PRKDC: variants seen among roughly 807,000 people sequenced by gnomAD.
The protein encoded by PRKDC is protein kinase, DNA-activated, catalytic subunit, also known as DNA-dependent protein kinase catalytic subunit.
A neutral mutation model predicts 486.9 loss-of-function variants in PRKDC; 82 were observed. That is an observed-to-expected ratio of 0.17 (90% CI 0.14 to 0.20). PRKDC has a LOEUF of 0.20. PRKDC is among the 10% of genes least tolerant of loss of function. The probability of loss-of-function intolerance (pLI) is 1.00; values close to 1 mark genes in which losing one functional copy is unlikely to be tolerated. For synonymous variants in PRKDC, 1,895 were observed against 1,837.0 expected (o/e 1.03, Z -0.81); for missense variants, 4,504 against 5,038.2 (o/e 0.89, Z 3.21).
Position 47,797,772 on chromosome 8 carries a change from C to T in PRKDC, c.10458+465G>A, listed in dbSNP as rs6988304. Among the ~76,000 whole-genome samples the T allele has an allele frequency of 3.8e-3, 576 of 152,332 alleles. 8 individuals are homozygous for T. The highest frequency in any genetic ancestry group is 0.013 in the African/African-American group (533 of 41,582). ...GGTGCGGGTTCCTCCCATGTCCATACGCTGACCCCTCACTCATGCTCCCAG... is the reference window on the plus strand; with the variant it reads ...GGTGCGGGTTCCTCCCATGTCCATATGCTGACCCCTCACTCATGCTCCCAG... On this transcript the variant is annotated intron_variant, in intron 73 of 85. Transcript: ENST00000314191.
rs56041221 is a variant in PRKDC, at chr8:47,898,171, C to G, written c.3464+299G>C. 5.9e-5 allele frequency among the ~76,000 whole-genome samples: 9 copies of G among 152,324 alleles called. 1 individual carries two copies. In the East Asian group the frequency reaches 1.7e-3, roughly 29 times the overall value. ...CATATTCTAGTCAAATCATCCACAT[C>G]AAAACATGTTCAAAATTAGTGCATA... On this transcript the variant is annotated intron_variant, in intron 29 of 85. Coordinates refer to ENST00000314191, the MANE Select transcript of PRKDC (RefSeq NM_006904.7).
chr8:47,890,343 T>C lies in PRKDC; in HGVS notation c.3985A>G (p.Arg1329Gly). ...ACGGTGCATTTGCTGTAGTTGTACC[T>C]TTCTCCCTCTTGTGGGCTTGTTCTG... ...GNRTSPQEGE[R>G]YNYSKCTVVV... Residue 1329 changes from arginine to glycine, a missense_variant, in exon 32 of 86, where the codon AGG becomes GGG. Transcript: ENST00000314191. 1 of 1,613,496 alleles carries C rather than the reference T, an allele frequency of 6.2e-7. No homozygotes were observed. Among genetic ancestry groups the C allele is most frequent in the Non-Finnish European group, 8.5e-7 (1 of 1,179,768 alleles).
At chr8:47,920,060 T>A (rs1036731588) in intron 21 of PRKDC, among the ~76,000 whole-genome samples, 1 of 152,168 alleles carries the variant, frequency 6.6e-6, no homozygotes, top group Non-Finnish European at 1.5e-5. Context: ...CCAGAGCCCA[T>A]CCCTTTGTTT....
At chr8:47,925,904 A>T (rs2090149662) in intron 21 of PRKDC, among the ~76,000 whole-genome samples, 1 of 152,202 alleles carries the variant, frequency 6.6e-6, no homozygotes, top group South Asian at 2.1e-4. Context: ...TTGATACATC[A>T]AAAAAAGTTA....
chr8:47,816,820 TAA>T (rs78066737), intron 68 of PRKDC, among the ~76,000 whole-genome samples: 7 of 140,210 alleles, frequency 5.0e-5, no homozygotes, highest in Middle Eastern at 3.7e-3. Context: ...ATAAAAAGTT[TAA>T]AAAAAAAAAA....
At chr8:47,818,591 A>AG (rs2087508407) in intron 67 of PRKDC, among the ~76,000 whole-genome samples, 1 of 151,202 alleles carries the variant, frequency 6.6e-6, no homozygotes, top group African/African-American at 2.4e-5. Context: ...AAAAAAAAAA[A>AG]AAAAAAAAAA....
intron 54 of PRKDC, among the ~76,000 whole-genome samples, chr8:47,848,361 CCTAAGTGAA>C (rs1333422227): frequency 7.9e-5 from 12 of 152,128 alleles, no homozygotes; most frequent in African/African-American, 2.9e-4. Context: ...AGGCCACTGT[CCTAAGTGAA>C]CTAGTACAGA....
rs760796042 is a variant in PRKDC, at chr8:47,783,816, C to T, written c.11108-7G>A. The T allele has an allele frequency of 4.3e-6, 7 of 1,613,814 alleles. No individual in the cohort carries two copies. The East Asian group carries it at 1.3e-4, about 31-fold the overall frequency. ...CCCCTACCGTCATACTGACCTAAAA[C>T]AAACCAGAACCTTGCTTAGGAACAG... On this transcript the variant is annotated splice_region_variant and splice_polypyrimidine_tract_variant and intron_variant, in intron 77 of 85. Transcript: ENST00000314191.
intron 40 of PRKDC, among the ~76,000 whole-genome samples, chr8:47,876,953 A>C (rs1049030571): frequency 6.6e-6 from 1 of 152,242 alleles, no homozygotes; most frequent in African/African-American, 2.4e-5. Flanking sequence ...CAGGATCACC[A>C]GACATTATGC....
intron 64 of PRKDC, 42 bp downstream of exon 64, chr8:47,823,815 AG>A: frequency 1.2e-6 from 2 of 1,605,500 alleles, no homozygotes; most frequent in Non-Finnish European, 1.7e-6. Flanking sequence ...AGAAAACAAA[AG>A]TGTTGAAGTA....
chr8:47,938,636 A>G (rs1589806446), intron 11 of PRKDC, among the ~76,000 whole-genome samples: 1 of 152,164 alleles, frequency 6.6e-6, no homozygotes, highest in South Asian at 2.1e-4. Context: ...ATCACAGCTC[A>G]CTGCCACCTC....
At chr8:47,874,715 T>G (rs1204388356) in intron 40 of PRKDC, among the ~76,000 whole-genome samples, 1 of 152,158 alleles carries the variant, frequency 6.6e-6, no homozygotes, top group Non-Finnish European at 1.5e-5. Context: ...GCCACTGCAC[T>G]ACAGCATGGG....
At chr8:47,788,637 G>A (rs1163276319) in intron 76 of PRKDC, among the ~76,000 whole-genome samples, 1 of 152,128 alleles carries the variant, frequency 6.6e-6, no homozygotes, top group Non-Finnish European at 1.5e-5. Context: ...CAATCTATAT[G>A]TAACTTTCAG....
intron 60 of PRKDC, 117 bp from the exon 61 acceptor site, chr8:47,830,853 G>T: frequency 1.6e-6 from 2 of 1,260,928 alleles, no homozygotes; most frequent in Non-Finnish European, 2.3e-6. Flanking sequence ...GGTGGGAACT[G>T]ATGCTCGCAG....
chr8:47,777,105 C>T (rs911298677), intron 84 of PRKDC, 122 bp from the exon 85 acceptor site: 4 of 1,229,562 alleles, frequency 3.3e-6, no homozygotes, highest in Non-Finnish European at 1.1e-6. Flanking sequence ...AGCAGCCTTG[C>T]TTTCTACAGC....
intron 12 of PRKDC, 28 bp downstream of exon 12, chr8:47,936,325 A>C: frequency 1.3e-6 from 2 of 1,571,974 alleles, no homozygotes; most frequent in South Asian, 2.4e-5. Context: ...TTAAATACTT[A>C]AAATTGTGCT....
rs1457124508 is a variant in PRKDC, at chr8:47,943,864, G to A, written c.797C>T (p.Ala266Val). Residue 266 changes from alanine to valine, a missense_variant, in exon 9 of 86, where the codon GCT becomes GTT. Coordinates refer to ENST00000314191, the MANE Select transcript of PRKDC (RefSeq NM_006904.7). ...AAACAGAATCCTACCTGAGGGCACA[G>A]CATATCTCTTCAGATCAATCTATTT... Reference protein sequence around the residue: ...IRPQIDLKRYAVPSAGLRLFA... With the variant: ...IRPQIDLKRYVVPSAGLRLFA... 9 of 1,591,474 alleles carry A rather than the reference G, an allele frequency of 5.7e-6. No homozygotes were observed. Among genetic ancestry groups the A allele is most frequent in the Non-Finnish European group, 7.7e-6 (9 of 1,166,242 alleles).
At chr8:47,927,748 G>C in intron 20 of PRKDC, 23 bp downstream of exon 20, 1 of 1,487,718 alleles carries the variant, frequency 6.7e-7, no homozygotes, top group Non-Finnish European at 8.9e-7. Flanking sequence ...TGAAGAGATG[G>C]CTCTGTTCAA....
At chr8:47,880,342 T>C (rs1385443532) in intron 38 of PRKDC, among the ~76,000 whole-genome samples, 2 of 152,212 alleles carry the variant, frequency 1.3e-5, no homozygotes, top group East Asian at 1.9e-4. Flanking sequence ...CAACTACACA[T>C]TGCAGAACTA....
Sources: gnomAD v4.1 joint callset for allele counts (sites outside exome capture counted in the v4.1 genomes callset) on GRCh38, gnomAD v4.1.1 for gene constraint, MANE v1.5 for transcripts, NCBI Gene and HGNC (gene_info 2026-07-23, HGNC 2026-07-21) for gene names.